DGCR8: variants seen among roughly 807,000 people sequenced by gnomAD.
DGCR8 encodes DGCR8 microprocessor complex subunit, also known as microprocessor complex subunit DGCR8.
DGCR8 carries 14 observed loss-of-function variants against 78.5 expected under a neutral mutation model. The ratio of observed to expected loss-of-function variants is 0.18; its 90% CI spans 0.12 to 0.28. DGCR8 has a LOEUF of 0.28. Among genes scored for constraint, DGCR8 ranks in the 10% least tolerant of loss-of-function variants. DGCR8 has a pLI of 1.00. For synonymous variants in DGCR8, 399 were observed against 402.4 expected (o/e 0.99, Z 0.10); for missense variants, 702 against 1,022.5 (o/e 0.69, Z 4.28).
intron 9 of DGCR8, chr22:20,101,312 C>T (rs1000746315): frequency 2.0e-6 from 2 of 984,140 alleles, no homozygotes; most frequent in Non-Finnish European, 2.4e-6. Context: ...CGCGGTGGCT[C>T]ACGCCTGTAA....
intron 5 of DGCR8, 83 bp downstream of exon 5, chr22:20,090,341 A>C (rs1602482486): frequency 6.9e-7 from 1 of 1,458,536 alleles, no homozygotes; most frequent in East Asian, 2.3e-5. Flanking sequence ...AATTGTTCAT[A>C]GTTCCTAGTT....
In DGCR8 at chr22:20,110,189, T is replaced by A; in HGVS notation, c.*81T>A. The stretch of plus-strand genomic sequence containing the variant: ...AGCAGTCATGCATCGTGCACCACAG[T>A]GTCAGGCCTCCAACCCACGCTCCTT... On this transcript the variant is annotated 3_prime_UTR_variant, in exon 14 of 14. Coordinates refer to ENST00000351989, the MANE Select transcript of DGCR8 (RefSeq NM_022720.7). 6.9e-7 allele frequency: 1 copy of A among 1,440,286 alleles called. No homozygotes were observed. The allele number at this position is 1,440,286 out of a possible 1,614,324, so 89.2% of individuals were successfully genotyped here. A position where few individuals can be genotyped will look rare whatever the true frequency, so the allele number is the denominator to read the frequency against.
chr22:20,088,012 G>A (rs993297734), intron 3 of DGCR8, among the ~76,000 whole-genome samples: 1 of 152,070 alleles, frequency 6.6e-6, no homozygotes, highest in Non-Finnish European at 1.5e-5. Flanking sequence ...CTCGGTAGAG[G>A]GACTGAAGAG....
At chr22:20,093,966 TAA>T (rs2049597113) in intron 8 of DGCR8, among the ~76,000 whole-genome samples, 1 of 152,156 alleles carries the variant, frequency 6.6e-6, no homozygotes, top group Non-Finnish European at 1.5e-5. Context: ...AGATTCTGCC[TAA>T]GAGACTTTTG....
At chr22:20,090,868 CT>C (rs576903806) in intron 5 of DGCR8, among the ~76,000 whole-genome samples, 87 of 152,362 alleles carry the variant, frequency 5.7e-4, no homozygotes, top group African/African-American at 1.9e-3. Context: ...TTCTATTTGT[CT>C]GTACATCACT....
At chr22:20,096,500 G>A (rs1352624183) in intron 9 of DGCR8, 1 of 984,618 alleles carries the variant, frequency 1.0e-6, no homozygotes, top group Non-Finnish European at 1.2e-6. Flanking sequence ...TTTGAAGGGT[G>A]CATTCTTATT....
chr22:20,093,942 C>T (rs1210817925), intron 8 of DGCR8, among the ~76,000 whole-genome samples: 1 of 152,216 alleles, frequency 6.6e-6, no homozygotes, highest in Non-Finnish European at 1.5e-5. Flanking sequence ...TCCAGAAGGC[C>T]TGCTGCCCAT....
Position 20,087,106 on chromosome 22 carries a change from C to T in DGCR8, c.721-56C>T. Reference sequence around the variant, plus strand: ...TTCTCAGGAATGCTGTTGAGCTCTCCTGTTGCAGGAGCATGAGCGCCAGGG... The same window carrying T: ...TTCTCAGGAATGCTGTTGAGCTCTCTTGTTGCAGGAGCATGAGCGCCAGGG... On this transcript the variant is annotated intron_variant, in intron 2 of 13. Transcript: ENST00000351989. The surrounding 1 kb of genome is among the most constrained non-coding windows in gnomAD (Gnocchi z 4.1). The T allele has an allele frequency of 2.6e-6, 4 of 1,558,448 alleles. No individual in the cohort carries two copies. The highest frequency in any genetic ancestry group is 1.7e-6 in the Non-Finnish European group (2 of 1,149,620).
rs770764108 is a variant in DGCR8 at position 20,089,663 on chromosome 22, G to T, written c.881-6G>T. 2 of 1,613,930 alleles carry T rather than the reference G, an allele frequency of 1.2e-6. No individual in the cohort carries two copies. The highest frequency in any genetic ancestry group is 1.7e-6 in the Non-Finnish European group (2 of 1,179,948). On this transcript the variant is annotated splice_polypyrimidine_tract_variant and splice_region_variant and intron_variant, in intron 3 of 13. Coordinates refer to ENST00000351989, the MANE Select transcript of DGCR8 (RefSeq NM_022720.7). This position sits in a 1 kb window ranked among gnomAD's most constrained non-coding sequence, Gnocchi z 4.9. Reference sequence around the variant, plus strand: ...GATTATAGGATGTTCTTGTCTTCCTGTGCAGGTCGTGGCCGCCCACCTACA... The same window carrying T: ...GATTATAGGATGTTCTTGTCTTCCTTTGCAGGTCGTGGCCGCCCACCTACA...
rs907653514 is a variant in DGCR8 at position 20,086,421 on chromosome 22, G to T, written c.458G>T (p.Ser153Ile). 2 of 1,614,014 alleles carry T rather than the reference G, an allele frequency of 1.2e-6. No individual in the cohort carries two copies. The highest frequency in any genetic ancestry group is 1.7e-6 in the Non-Finnish European group (2 of 1,180,018). The change falls in exon 2 of 14, where the codon AGC (serine) becomes ATC (isoleucine). Residue 153 changes from serine (S) to isoleucine (I), a missense_variant. Coordinates refer to ENST00000351989, the MANE Select transcript of DGCR8 (RefSeq NM_022720.7). This position sits in a 1 kb window ranked among gnomAD's most constrained non-coding sequence, Gnocchi z 6.4. ...CGGGCGGAGTGCGGTCTGCTCCTTA[G>T]CCCTGTCAGTGGGGACGTGCATGCT... ...DVRAECGLLL[S>I]PVSGDVHACP...
At position 20,110,673 on chromosome 22, in the gene DGCR8, C is replaced by T. The variant is rs1431050498; in HGVS notation, c.*565C>T. On this transcript the variant is annotated 3_prime_UTR_variant, in exon 14 of 14. Transcript: ENST00000351989. Reference sequence around the variant, plus strand: ...AAAGGAATATTTTAAACCTTTTTGGCTTAAACAGAATTTTAGCATCAGAAC... The same window carrying T: ...AAAGGAATATTTTAAACCTTTTTGGTTTAAACAGAATTTTAGCATCAGAAC... The T allele has an allele frequency of 4.5e-5, 7 of 155,816 alleles. No homozygotes were observed. Among genetic ancestry groups the T allele is most frequent in the African/African-American group, 1.7e-4 (7 of 41,612 alleles). 9.7% of individuals were successfully genotyped at this position (155,816 alleles called of 1,614,324 possible).
intron 9 of DGCR8, among the ~76,000 whole-genome samples, chr22:20,105,115 T>A (rs2049754284): frequency 6.6e-6 from 1 of 152,158 alleles, no homozygotes; most frequent in Non-Finnish European, 1.5e-5. Context: ...GCAGATAGAA[T>A]TAGGTTAACA....
intron 1 of DGCR8, among the ~76,000 whole-genome samples, chr22:20,084,798 T>C (rs1455403707): frequency 6.6e-6 from 1 of 152,244 alleles, no homozygotes. Flanking sequence ...CAGGGCCTCT[T>C]TCACACCTTT....
At chr22:20,099,141 T>C (rs368766489) in intron 9 of DGCR8, among the ~76,000 whole-genome samples, 1 of 152,306 alleles carries the variant, frequency 6.6e-6, no homozygotes, top group East Asian at 1.9e-4. Context: ...GCCAACTGTC[T>C]TAGCCTTTGT....
chr22:20,104,332 T>C (rs1337409955), intron 9 of DGCR8, among the ~76,000 whole-genome samples: 3 of 151,182 alleles, frequency 2.0e-5, no homozygotes, highest in Non-Finnish European at 4.4e-5. Context: ...GCCCGGCTAA[T>C]TTTTTTTTGT....
At chr22:20,094,830 G>C (rs2049609194) in intron 9 of DGCR8, 35 bp downstream of exon 9, 1 of 1,593,580 alleles carries the variant, frequency 6.3e-7, no homozygotes, top group East Asian at 2.2e-5. Context: ...TGGGAGCTGT[G>C]TGTGCAGTGC....
rs758424877 is a variant in DGCR8, at chr22:20,086,339, G to A, written c.376G>A (p.Glu126Lys). ...TGTAAAGATTAGCGTGAGCTTTACC[G>A]AGAGCTGCAGGAGTAAGGACAGGAA... Reference protein sequence around the residue: ...KDVKISVSFTESCRSKDRKVL... With the variant: ...KDVKISVSFTKSCRSKDRKVL... Residue 126 changes from glutamate to lysine, a missense_variant, in exon 2 of 14, where the codon GAG becomes AAG. Transcript: ENST00000351989. The surrounding 1 kb of genome is among the most constrained non-coding windows in gnomAD (Gnocchi z 6.4). 10 of 1,613,980 alleles carry A rather than the reference G, an allele frequency of 6.2e-6. No homozygotes were observed. The East Asian group carries it at 8.9e-5, about 14-fold the overall frequency.
intron 9 of DGCR8, chr22:20,102,029 G>A (rs897087244): frequency 3.0e-6 from 3 of 985,088 alleles, no homozygotes; most frequent in Non-Finnish European, 3.6e-6. Context: ...TGCTAGCTGT[G>A]GGTTGGTGGT....
chr22:20,083,799 A>C (rs953474271), intron 1 of DGCR8, among the ~76,000 whole-genome samples: 1 of 151,886 alleles, frequency 6.6e-6, no homozygotes, highest in Non-Finnish European at 1.5e-5. Flanking sequence ...TGTTTTCTCT[A>C]ATGGTCTTTC....
Sources: allele counts gnomAD v4.1 joint callset (sites outside exome capture counted in the v4.1 genomes callset), GRCh38; gene constraint gnomAD v4.1.1; non-coding constraint Gnocchi (gnomAD v3.1); transcripts MANE v1.5; gene names NCBI Gene and HGNC (gene_info 2026-07-23, HGNC 2026-07-21).